The following WWOX variants were observed in gnomAD, a reference collection of about 807,000 sequenced individuals.
The protein encoded by WWOX is WW domain containing oxidoreductase, also known as WW domain-containing oxidoreductase.
In WWOX, 69 loss-of-function variants were observed where a neutral mutation model predicts 46.2. The observed-to-expected ratio is 1.49, with a 90% CI of 1.23 to 1.82. The LOEUF (loss-of-function observed/expected upper bound fraction) is 1.82. WWOX is among the 40% of genes most tolerant of loss of function. WWOX has a pLI of 0.00. For missense variants in WWOX, 919 were observed against 542.6 expected (o/e 1.69, Z -6.89); for synonymous variants, 359 against 202.6 (o/e 1.77, Z -6.56).
At chr16:78,574,057 A>G (rs1380453980) in intron 8 of WWOX, among the ~76,000 whole-genome samples, 3 of 152,184 alleles carry the variant, frequency 2.0e-5, no homozygotes, top group Non-Finnish European at 2.9e-5. Context: ...ATTTCCTTGT[A>G]GCTTTTTGAC....
In WWOX at chr16:78,903,586, T is replaced by G. The variant is rs1367323556; in HGVS notation, c.1057-308022T>G. On this transcript the variant is annotated intron_variant, in intron 8 of 8. Coordinates refer to ENST00000566780, the MANE Select transcript of WWOX (RefSeq NM_016373.4). ...CCCTCCTCCTTTTGTTACTTAGGCG[T>G]GGAAAGTTAAGGGTTTCCTTTCAGT... Among the ~76,000 whole-genome samples, 5 of 152,208 alleles carry G rather than the reference T, an allele frequency of 3.3e-5. No homozygotes were observed. In the East Asian group the frequency reaches 9.6e-4, roughly 29 times the overall value.
chr16:78,961,327 C>G (rs145091268), intron 8 of WWOX, among the ~76,000 whole-genome samples: 113 of 152,290 alleles, frequency 7.4e-4, no homozygotes, highest in African/African-American at 2.4e-3. Flanking sequence ...TGATGTAGTT[C>G]TCTGTAAAAC....
chr16:78,793,543 T>C (rs978519318), intron 8 of WWOX, among the ~76,000 whole-genome samples: 14 of 152,212 alleles, frequency 9.2e-5, no homozygotes, highest in Non-Finnish European at 4.4e-5. Context: ...TCATAATGAT[T>C]AAATGATTCT....
chr16:78,859,988 G>C (rs2052678148), intron 8 of WWOX, among the ~76,000 whole-genome samples: 1 of 152,108 alleles, frequency 6.6e-6, no homozygotes, highest in African/African-American at 2.4e-5. Flanking sequence ...ATAGCAAATA[G>C]CTATAATGCC....
intron 5 of WWOX, among the ~76,000 whole-genome samples, chr16:78,169,113 G>C (rs923664905): frequency 1.3e-5 from 2 of 152,174 alleles, no homozygotes; most frequent in Non-Finnish European, 2.9e-5. Context: ...TTGTGGAACA[G>C]CACACAGATG....
At chr16:78,324,913 G>A (rs974368646) in intron 5 of WWOX, among the ~76,000 whole-genome samples, 18 of 152,156 alleles carry the variant, frequency 1.2e-4, no homozygotes, top group African/African-American at 2.7e-4. Context: ...TGGGTGAATC[G>A]TATGGTATGT....
At chr16:78,148,260 T>A (rs776898414) in intron 4 of WWOX, among the ~76,000 whole-genome samples, 2 of 152,122 alleles carry the variant, frequency 1.3e-5, no homozygotes, top group Admixed American at 6.5e-5. Flanking sequence ...GGAGTGTGAG[T>A]ACAGAATTAT....
At chr16:78,732,241 G>A (rs1356144333) in intron 8 of WWOX, among the ~76,000 whole-genome samples, 1 of 152,106 alleles carries the variant, frequency 6.6e-6, no homozygotes, top group Non-Finnish European at 1.5e-5. Context: ...GACTCTTGAA[G>A]TTAGGTCATA....
chr16:79,209,231 C>T (rs529097491), intron 8 of WWOX, among the ~76,000 whole-genome samples: 10 of 152,250 alleles, frequency 6.6e-5, no homozygotes, highest in East Asian at 1.9e-4. Flanking sequence ...CTTTAGATTC[C>T]GTGGAAGGAA....
At chr16:78,444,690 C>A (rs924651716) in intron 8 of WWOX, among the ~76,000 whole-genome samples, 1 of 151,884 alleles carries the variant, frequency 6.6e-6, no homozygotes, top group South Asian at 2.1e-4. Context: ...GCCACCACAC[C>A]CGGCTAATTT....
At chr16:78,796,377 G>A (rs183522063) in intron 8 of WWOX, among the ~76,000 whole-genome samples, 10 of 152,304 alleles carry the variant, frequency 6.6e-5, no homozygotes, top group Admixed American at 2.6e-4. Flanking sequence ...AGTTTCCAAG[G>A]AGTTATTATA....
chr16:78,806,280 G>A (rs2051035468), intron 8 of WWOX, among the ~76,000 whole-genome samples: 1 of 152,070 alleles, frequency 6.6e-6, no homozygotes, highest in Non-Finnish European at 1.5e-5. Context: ...CATTGATGAG[G>A]GAATTGAAGC....
chr16:78,420,459 T>C lies in WWOX; in HGVS notation c.606-4411T>C, dbSNP rs186859031. On this transcript the variant is annotated intron_variant, in intron 6 of 8. Transcript: ENST00000566780. The stretch of plus-strand genomic sequence containing the variant: ...ATTAAAAAGAAATGGATTACTGATA[T>C]ATGCTACAACATGGATGAACCCTGC... 5.3e-3 allele frequency among the ~76,000 whole-genome samples: 804 copies of C among 152,234 alleles called. 4 individuals are homozygous for C. Among genetic ancestry groups the C allele is most frequent in the Middle Eastern group, 0.034 (10 of 294 alleles).
intron 8 of WWOX, among the ~76,000 whole-genome samples, chr16:78,696,739 G>A (rs1426044433): frequency 6.6e-6 from 1 of 152,054 alleles, no homozygotes; most frequent in Admixed American, 6.6e-5. Flanking sequence ...ACTGGTGATT[G>A]GCGAGACTTT....
At chr16:78,287,022 CTT>C (rs2079779462) in intron 5 of WWOX, among the ~76,000 whole-genome samples, 1 of 152,172 alleles carries the variant, frequency 6.6e-6, no homozygotes. Flanking sequence ...GCCCTTCTGA[CTT>C]TTTTCTCCAA....
At chr16:78,148,602 A>G (rs920701299) in intron 4 of WWOX, among the ~76,000 whole-genome samples, 1 of 152,026 alleles carries the variant, frequency 6.6e-6, no homozygotes, top group African/African-American at 2.4e-5. Context: ...ACAAGTTTAT[A>G]AAAGTGCCAT....
chr16:79,181,620 C>T (rs1466652901), intron 8 of WWOX, among the ~76,000 whole-genome samples: 1 of 152,000 alleles, frequency 6.6e-6, no homozygotes, highest in Non-Finnish European at 1.5e-5. Flanking sequence ...TGCTTAACAT[C>T]CCCCTTATTA....
chr16:78,201,496 A>G (rs1650177215), intron 5 of WWOX, among the ~76,000 whole-genome samples: 1 of 152,174 alleles, frequency 6.6e-6, no homozygotes, highest in South Asian at 2.1e-4. Context: ...GGTTGAAAAA[A>G]GAGGCAAGAG....
chr16:78,992,365 G>A (rs1031035732), intron 8 of WWOX, among the ~76,000 whole-genome samples: 1 of 152,132 alleles, frequency 6.6e-6, no homozygotes, highest in Non-Finnish European at 1.5e-5. Flanking sequence ...TACTCTGGAG[G>A]CTGAGGCAGG....
Sources: allele counts gnomAD v4.1 joint callset (sites outside exome capture counted in the v4.1 genomes callset), GRCh38; gene constraint gnomAD v4.1.1; transcripts MANE v1.5; gene names NCBI Gene and HGNC (gene_info 2026-07-23, HGNC 2026-07-21).